Variants in GRM5 observed in about 807,000 individuals in gnomAD.
The protein encoded by GRM5 is glutamate metabotropic receptor 5.
In GRM5, 19 loss-of-function variants were observed where a neutral mutation model predicts 83.1. The ratio of observed to expected loss-of-function variants is 0.23; its 90% CI spans 0.16 to 0.34. GRM5 has a LOEUF of 0.34. Among genes scored for constraint, GRM5 ranks in the 10% least tolerant of loss-of-function variants. The probability of loss-of-function intolerance (pLI) is 1.00; values close to 1 mark genes in which losing one functional copy is unlikely to be tolerated. For missense variants in GRM5, 1,160 were observed against 1,588.3 expected (o/e 0.73, Z 4.58); for synonymous variants, 675 against 633.6 (o/e 1.07, Z -0.98).
chr11:88,868,231 C>A (rs1210906942), intron 2 of GRM5, among the ~76,000 whole-genome samples: 1 of 151,844 alleles, frequency 6.6e-6, no homozygotes, highest in African/African-American at 2.4e-5. Context: ...AGTAGGCAAT[C>A]ATAAAGAGCT....
intron 3 of GRM5, among the ~76,000 whole-genome samples, chr11:88,774,137 G>C (rs555417577): frequency 6.6e-6 from 1 of 152,258 alleles, no homozygotes; most frequent in East Asian, 1.9e-4. Flanking sequence ...TTGAGCAGTG[G>C]TTTGTAGTTT....
At chr11:88,754,277 T>C (rs1942349948) in intron 3 of GRM5, among the ~76,000 whole-genome samples, 1 of 152,124 alleles carries the variant, frequency 6.6e-6, no homozygotes, top group East Asian at 1.9e-4. Flanking sequence ...CACTGGGTCC[T>C]GTCAGGGAAT....
chr11:88,730,559 A>G lies in GRM5; in HGVS notation c.912-77156T>C, dbSNP rs528074231. On this transcript the variant is annotated intron_variant, in intron 3 of 9. Coordinates refer to ENST00000305447, the MANE Select transcript of GRM5 (RefSeq NM_001143831.3). ...TTATAAATCATTCTACTGTAAAGAC[A>G]CATGCACACATATGTTTATTGCAGC... Among the ~76,000 whole-genome samples, 3 of 152,330 alleles carry G rather than the reference A, an allele frequency of 2.0e-5. No homozygotes were observed. The East Asian group carries it at 5.8e-4, about 29-fold the overall frequency.
At chr11:88,776,507 T>C (rs1342169392) in intron 3 of GRM5, among the ~76,000 whole-genome samples, 1 of 152,218 alleles carries the variant, frequency 6.6e-6, no homozygotes, top group African/African-American at 2.4e-5. Flanking sequence ...ATTTTGCCCA[T>C]TAATTGATGC....
At chr11:88,851,296 A>G (rs1023727528) in intron 2 of GRM5, among the ~76,000 whole-genome samples, 1 of 152,194 alleles carries the variant, frequency 6.6e-6, no homozygotes, top group African/African-American at 2.4e-5. Context: ...TTTGAAGAAT[A>G]CAAGAGGCTA....
At chr11:89,022,788 G>A (rs1241583013) in intron 2 of GRM5, among the ~76,000 whole-genome samples, 1 of 152,160 alleles carries the variant, frequency 6.6e-6, no homozygotes, top group African/African-American at 2.4e-5. Flanking sequence ...TGCATTATAA[G>A]GTCCTTTAGT....
At chr11:88,778,045 T>C (rs781752208) in intron 3 of GRM5, among the ~76,000 whole-genome samples, 4 of 127,704 alleles carry the variant, frequency 3.1e-5, no homozygotes, top group Non-Finnish European at 7.0e-5. Flanking sequence ...TTTGTTCAGC[T>C]ATGCCCTGCC....
chr11:88,764,532 AGAAAT>A (rs1484091651), intron 3 of GRM5, among the ~76,000 whole-genome samples: 1 of 151,720 alleles, frequency 6.6e-6, no homozygotes, highest in Non-Finnish European at 1.5e-5. Flanking sequence ...GAGTGAAATT[AGAAAT>A]CAGTAACAGG....
intron 9 of GRM5, among the ~76,000 whole-genome samples, chr11:88,521,476 G>C (rs1476189767): frequency 6.6e-6 from 1 of 152,126 alleles, no homozygotes; most frequent in Non-Finnish European, 1.5e-5. Flanking sequence ...TGACACAGAA[G>C]ATAATAACAT....
intron 8 of GRM5, among the ~76,000 whole-genome samples, chr11:88,538,129 A>C (rs564936067): frequency 6.6e-6 from 1 of 151,986 alleles, no homozygotes; most frequent in East Asian, 1.9e-4. Flanking sequence ...AAAAAAGAAC[A>C]AACCAACCAC....
chr11:89,009,247 C>G (rs1591043816), intron 2 of GRM5: 5 of 550,996 alleles, frequency 9.1e-6, no homozygotes, highest in South Asian at 8.7e-5. Flanking sequence ...AATTGTAAAT[C>G]AAGTAATTAC....
At chr11:88,718,986 A>T (rs922291544) in intron 3 of GRM5, among the ~76,000 whole-genome samples, 1 of 73,246 alleles carries the variant, frequency 1.4e-5, no homozygotes, top group Non-Finnish European at 3.7e-5. Flanking sequence ...AAATTGCCTC[A>T]TGCTATCCCT....
intron 2 of GRM5, among the ~76,000 whole-genome samples, chr11:89,003,029 CA>C (rs1390274384): frequency 6.6e-6 from 1 of 152,034 alleles, no homozygotes; most frequent in Non-Finnish European, 1.5e-5. Flanking sequence ...TGCACTATCC[CA>C]AAAATTTTTC....
intron 3 of GRM5, among the ~76,000 whole-genome samples, chr11:88,768,393 C>G (rs2135446888): frequency 6.6e-6 from 1 of 151,836 alleles, no homozygotes; most frequent in Middle Eastern, 3.4e-3. Flanking sequence ...TTTGAGTAGT[C>G]AAAATTATAA....
chr11:88,956,408 T>C (rs552903838), intron 2 of GRM5, among the ~76,000 whole-genome samples: 8 of 152,342 alleles, frequency 5.3e-5, no homozygotes, highest in African/African-American at 1.9e-4. Context: ...GCATACATCA[T>C]ACGCTAGGCA....
chr11:88,670,866 C>T (rs1234724935), intron 3 of GRM5, among the ~76,000 whole-genome samples: 2 of 151,984 alleles, frequency 1.3e-5, no homozygotes, highest in African/African-American at 2.4e-5. Context: ...TAGGTTGGTA[C>T]AACTGCATTG....
chr11:88,883,249 T>C (rs1374859671), intron 2 of GRM5, among the ~76,000 whole-genome samples: 5 of 152,182 alleles, frequency 3.3e-5, no homozygotes, highest in Admixed American at 1.3e-4. Context: ...GACAGAAAGA[T>C]GTGGGAAAGT....
chr11:88,629,484 G>T (rs1033852816), intron 4 of GRM5, among the ~76,000 whole-genome samples: 1 of 152,116 alleles, frequency 6.6e-6, no homozygotes, highest in African/African-American at 2.4e-5. Flanking sequence ...ACCCCCTCCA[G>T]AGGTAGAGGG....
chr11:89,051,825 G>C (rs1941768259), intron 1 of GRM5, among the ~76,000 whole-genome samples: 1 of 152,172 alleles, frequency 6.6e-6, no homozygotes, highest in Non-Finnish European at 1.5e-5. Flanking sequence ...CATTTTCCTG[G>C]ATAATCAATT....
Sources: gnomAD v4.1 joint callset for allele counts (sites outside exome capture counted in the v4.1 genomes callset) on GRCh38, gnomAD v4.1.1 for gene constraint, MANE v1.5 for transcripts, NCBI Gene and HGNC (gene_info 2026-07-23, HGNC 2026-07-21) for gene names.